Variants in AGFG1 observed in about 807,000 individuals in gnomAD.
AGFG1 encodes the protein ArfGAP with FG repeats 1.
Under a neutral mutation model 60.6 loss-of-function variants are expected in AGFG1, and 10 were observed. The observed-to-expected ratio is 0.16, with a 90% CI of 0.10 to 0.28. The LOEUF (loss-of-function observed/expected upper bound fraction) is 0.28, where lower values mean the gene tolerates loss of function less well. AGFG1 is among the 10% of genes least tolerant of loss of function. The pLI is 1.00. For synonymous variants in AGFG1, 247 were observed against 242.9 expected (o/e 1.02, Z -0.16); for missense variants, 537 against 676.5 (o/e 0.79, Z 2.29).
At chr2:227,520,686 A>G (rs911194394) in intron 3 of AGFG1, among the ~76,000 whole-genome samples, 12 of 152,228 alleles carry the variant, frequency 7.9e-5, no homozygotes, top group African/African-American at 2.9e-4. Flanking sequence ...CTATATCTAT[A>G]AAGCTAGTGT....
chr2:227,541,809 T>C (rs1274002381), intron 10 of AGFG1, among the ~76,000 whole-genome samples: 1 of 152,214 alleles, frequency 6.6e-6, no homozygotes, highest in Non-Finnish European at 1.5e-5. Context: ...TTCACGATAT[T>C]GATTCTTCCT....
chr2:227,553,453 G>A (rs1182861101), intron 11 of AGFG1, among the ~76,000 whole-genome samples: 1 of 145,684 alleles, frequency 6.9e-6, no homozygotes, highest in Non-Finnish European at 1.5e-5. Context: ...CCATGATCAT[G>A]CTACTGGACT....
chr2:227,522,350 T>G (rs989049772), intron 3 of AGFG1, among the ~76,000 whole-genome samples: 1 of 152,254 alleles, frequency 6.6e-6, no homozygotes, highest in Non-Finnish European at 1.5e-5. Flanking sequence ...TTGGCTATAC[T>G]GAAGAATTTG....
At chr2:227,528,468 C>A (rs1454277806) in intron 5 of AGFG1, among the ~76,000 whole-genome samples, 1 of 152,118 alleles carries the variant, frequency 6.6e-6, no homozygotes, top group East Asian at 1.9e-4. Context: ...AGATAAGGAC[C>A]CCAACTCTCT....
intron 5 of AGFG1, among the ~76,000 whole-genome samples, chr2:227,530,194 C>T (rs1692117603): frequency 6.6e-6 from 1 of 152,144 alleles, no homozygotes; most frequent in Non-Finnish European, 1.5e-5. Flanking sequence ...CAAGAAACAG[C>T]TTTACCATTG....
At chr2:227,523,487 A>G (rs1447326811) in intron 3 of AGFG1, among the ~76,000 whole-genome samples, 1 of 152,158 alleles carries the variant, frequency 6.6e-6, no homozygotes, top group Non-Finnish European at 1.5e-5. Flanking sequence ...TATTTCTTAT[A>G]TTGTACTTAA....
At chr2:227,476,679 A>C (rs544301540) in intron 1 of AGFG1, among the ~76,000 whole-genome samples, 1 of 152,318 alleles carries the variant, frequency 6.6e-6, no homozygotes, top group East Asian at 1.9e-4. Flanking sequence ...ACAGATGAAA[A>C]GAGGTATTTA....
At chr2:227,549,860 G>A (rs1199507279) in intron 10 of AGFG1, among the ~76,000 whole-genome samples, 2 of 152,094 alleles carry the variant, frequency 1.3e-5, no homozygotes, top group Non-Finnish European at 2.9e-5. Context: ...ATTTTAAACA[G>A]TATAAATATT....
At chr2:227,497,840 A>G (rs924059636) in intron 2 of AGFG1, among the ~76,000 whole-genome samples, 1 of 142,212 alleles carries the variant, frequency 7.0e-6, no homozygotes, top group Non-Finnish European at 1.5e-5. Context: ...CACCTCCCAG[A>G]TTCAAGTGAT....
intron 2 of AGFG1, among the ~76,000 whole-genome samples, chr2:227,493,979 A>T (rs1690899166): frequency 6.6e-6 from 1 of 152,240 alleles, no homozygotes; most frequent in Admixed American, 6.5e-5. Context: ...GATGGAGCAA[A>T]CAGTACAAAA....
At chr2:227,533,807 C>A in intron 7 of AGFG1, 49 bp downstream of exon 7, 1 of 1,515,504 alleles carries the variant, frequency 6.6e-7, no homozygotes, top group South Asian at 1.2e-5. Context: ...AAACAGTGCT[C>A]TTAATTTGGT....
intron 3 of AGFG1, 47 bp downstream of exon 3, chr2:227,520,110 A>G (rs762917289): frequency 1.8e-6 from 2 of 1,141,930 alleles, no homozygotes; most frequent in Admixed American, 2.4e-5. Flanking sequence ...CAAATCACAT[A>G]TTAACTATGG....
chr2:227,473,065 C>T (rs1007334925), intron 1 of AGFG1, among the ~76,000 whole-genome samples: 24 of 108,208 alleles, frequency 2.2e-4, no homozygotes, highest in African/African-American at 8.6e-4. Flanking sequence ...GAGGCACCTG[C>T]TGGGCGCTCC....
chr2:227,506,215 A>G (rs1170740444), intron 2 of AGFG1, among the ~76,000 whole-genome samples: 5 of 152,190 alleles, frequency 3.3e-5, no homozygotes, highest in South Asian at 4.1e-4. Flanking sequence ...GTTCCTTCAT[A>G]AACTATTGGT....
chr2:227,479,994 G>C (rs1192703550), intron 1 of AGFG1, among the ~76,000 whole-genome samples: 1 of 152,158 alleles, frequency 6.6e-6, no homozygotes, highest in Non-Finnish European at 1.5e-5. Context: ...CAATCTTTTT[G>C]ATTGACACCA....
Position 227,472,391 on chromosome 2 carries a change from C to T in AGFG1, c.-31C>T, listed in dbSNP as rs1485104574. ...GGCGCAGCGCTGCCCGGCTCCCGGCCCTGCCGGCCTCCTCCCTTGGCGCCG... is the reference window on the plus strand; with the variant it reads ...GGCGCAGCGCTGCCCGGCTCCCGGCTCTGCCGGCCTCCTCCCTTGGCGCCG... On this transcript the variant is annotated 5_prime_UTR_variant, in exon 1 of 13. Coordinates refer to ENST00000310078, the MANE Select transcript of AGFG1 (RefSeq NM_004504.5). The T allele has an allele frequency of 2.2e-6, 3 of 1,365,762 alleles. No individual in the cohort carries two copies. Among genetic ancestry groups the T allele is most frequent in the Non-Finnish European group, 9.6e-7 (1 of 1,043,058 alleles). 84.6% of individuals were successfully genotyped at this position (1,365,762 alleles called of 1,614,324 possible).
chr2:227,550,752 T>TA (rs1273961434), intron 10 of AGFG1, among the ~76,000 whole-genome samples: 1 of 152,224 alleles, frequency 6.6e-6, no homozygotes, highest in East Asian at 1.9e-4. Flanking sequence ...TTCAGCTTTT[T>TA]AAAAATAAAA....
At chr2:227,536,797 T>C (rs1692328196) in intron 9 of AGFG1, 93 bp downstream of exon 9, 6 of 1,544,740 alleles carry the variant, frequency 3.9e-6, no homozygotes, top group East Asian at 4.5e-5. Flanking sequence ...TGATTTGTTA[T>C]CAGAATCCTT....
intron 2 of AGFG1, among the ~76,000 whole-genome samples, chr2:227,502,123 G>A (rs1033277656): frequency 8.5e-5 from 13 of 152,172 alleles, no homozygotes; most frequent in African/African-American, 2.9e-4. Context: ...CTCCCAAAGT[G>A]CGAGGATTAC....
Sources: gnomAD v4.1 joint callset for allele counts (sites outside exome capture counted in the v4.1 genomes callset) on GRCh38, gnomAD v4.1.1 for gene constraint, MANE v1.5 for transcripts, NCBI Gene and HGNC (gene_info 2026-07-23, HGNC 2026-07-21) for gene names.